BICRA: variants seen among roughly 807,000 people sequenced by gnomAD.
The protein encoded by BICRA is BRD4-interacting chromatin-remodeling complex-associated protein.
BICRA carries 31 observed loss-of-function variants against 96.9 expected under a neutral mutation model. The ratio of observed to expected loss-of-function variants is 0.32; its 90% CI spans 0.24 to 0.43. The LOEUF (loss-of-function observed/expected upper bound fraction) is 0.43. BICRA is among the 20% of genes least tolerant of loss of function. The pLI, the probability that BICRA is intolerant of heterozygous loss-of-function variation, is 1.00. For synonymous variants in BICRA, 1,350 were observed against 1,071.8 expected (o/e 1.26, Z -5.07); for missense variants, 2,283 against 2,190.3 (o/e 1.04, Z -0.84).
chr19:47,662,948 G>A (rs1490819685), intron 1 of BICRA: 1 of 152,202 alleles, frequency 6.6e-6, no homozygotes, highest in African/African-American at 2.4e-5. Flanking sequence ...CATGTGAGAG[G>A]CCTTGCCATG....
intron 1 of BICRA, among the ~76,000 whole-genome samples, chr19:47,625,428 C>T (rs1972126250): frequency 6.6e-6 from 1 of 152,082 alleles, no homozygotes; most frequent in African/African-American, 2.4e-5. Context: ...TAAATGCTCC[C>T]TCCTCGGGGA....
chr19:47,695,914 G>A (rs1973333783), intron 10 of BICRA, among the ~76,000 whole-genome samples: 1 of 152,050 alleles, frequency 6.6e-6, no homozygotes, highest in African/African-American at 2.4e-5. Context: ...GAGGCCACTT[G>A]TAGATGTAAG....
chr19:47,645,279 T>C (rs890091089), intron 1 of BICRA, among the ~76,000 whole-genome samples: 9 of 152,210 alleles, frequency 5.9e-5, no homozygotes, highest in African/African-American at 2.2e-4. Context: ...AGGCCAGTTA[T>C]TGTGTAGAAC....
At chr19:47,613,518 CACCCTCACTT>C (rs1318816335) in intron 1 of BICRA, among the ~76,000 whole-genome samples, 4 of 152,140 alleles carry the variant, frequency 2.6e-5, no homozygotes, top group Admixed American at 2.0e-4. Context: ...CCCGACCAGG[CACCCTCACTT>C]AGTAGAAACA....
intron 7 of BICRA, among the ~76,000 whole-genome samples, chr19:47,692,232 CTT>C (rs200468113): frequency 8.2e-5 from 12 of 145,844 alleles, no homozygotes; most frequent in Admixed American, 1.4e-4. Context: ...CTTGAATATT[CTT>C]TTTTTTTTTT....
chr19:47,688,004 T>C (rs185656760), intron 7 of BICRA, among the ~76,000 whole-genome samples: 1 of 152,218 alleles, frequency 6.6e-6, no homozygotes, highest in East Asian at 1.9e-4. Context: ...CCTGCAGCTT[T>C]ACTGACACAC....
chr19:47,623,608 AGAGC>A (rs985627493), intron 1 of BICRA, among the ~76,000 whole-genome samples: 2 of 152,040 alleles, frequency 1.3e-5, no homozygotes, highest in Non-Finnish European at 2.9e-5. Flanking sequence ...GGGACTGGGG[AGAGC>A]GATGAGGCAG....
At position 47,694,709 on chromosome 19, in the gene BICRA, C is replaced by T. The variant is rs766990472; in HGVS notation, c.2878C>T (p.Leu960Phe). ...AGCGCTGCCCCAGCCGAAGGCTCTT[C>T]TCGAGAGATTTCACCAGGTAACGGG... ...FPALPQPKALLERFHQVPSGI... is the reference protein window; with the variant it reads ...FPALPQPKALFERFHQVPSGI... Residue 960 changes from leucine to phenylalanine, a missense_variant, in exon 8 of 15, where the codon CTC (leucine) becomes TTC (phenylalanine). Leu to Phe is a conservative substitution (Grantham distance 22). Coordinates refer to ENST00000594866, the MANE Select transcript of BICRA (RefSeq NM_001394372.1). 11 of 1,549,856 alleles carry T rather than the reference C, an allele frequency of 7.1e-6. No individual in the cohort carries two copies. The highest frequency in any genetic ancestry group is 9.7e-6 in the Non-Finnish European group (11 of 1,135,892).
Position 47,680,580 on chromosome 19 carries a change from C to A in BICRA, c.1410C>A (p.Asn470Lys). 6.2e-7 allele frequency: 1 copy of A among 1,607,268 alleles called. No homozygotes were observed. The stretch of plus-strand genomic sequence containing the variant: ...CCCAGCACATGCTGCCGGGCCAGAA[C>A]CAGTTCCTACTGCCTGGCGCCCCGG... Reference protein sequence around the residue: ...IPAQHMLPGQNQFLLPGAPAV... With the variant: ...IPAQHMLPGQKQFLLPGAPAV... The change falls in exon 6 of 15, where the codon AAC becomes AAA. Residue 470 changes from asparagine (N) to lysine (K), a missense_variant. Physicochemically the swap from Asn to Lys is moderately conservative, Grantham distance 94. Transcript: ENST00000594866.
intron 7 of BICRA, 62 bp from the exon 8 acceptor site, chr19:47,694,053 C>T: frequency 6.9e-7 from 1 of 1,447,448 alleles, no homozygotes; most frequent in South Asian, 1.4e-5. Context: ...TGTCTTGGGG[C>T]AACAGGAGCT....
intron 1 of BICRA, among the ~76,000 whole-genome samples, chr19:47,666,196 G>A (rs968662254): frequency 6.6e-6 from 1 of 152,236 alleles, no homozygotes; most frequent in Admixed American, 6.5e-5. Flanking sequence ...AGGGATGGGA[G>A]CCTCAGAATC....
At chr19:47,629,578 G>A (rs1340666047) in intron 1 of BICRA, among the ~76,000 whole-genome samples, 4 of 150,766 alleles carry the variant, frequency 2.7e-5, no homozygotes, top group African/African-American at 5.0e-5. Flanking sequence ...TTTATCTGTC[G>A]ATGAACACAT....
chr19:47,682,617 G>A (rs1045588320), intron 7 of BICRA, among the ~76,000 whole-genome samples: 1 of 151,348 alleles, frequency 6.6e-6, no homozygotes, highest in African/African-American at 2.4e-5. Context: ...TCTGCCTGCG[G>A]TATTGCATCT....
chr19:47,621,878 A>G (rs1345325652), intron 1 of BICRA, among the ~76,000 whole-genome samples: 25 of 144,400 alleles, frequency 1.7e-4, no homozygotes, highest in East Asian at 8.3e-4. Flanking sequence ...TGCAACCTCC[A>G]CCTCCCAGGT....
intron 1 of BICRA, among the ~76,000 whole-genome samples, chr19:47,633,085 T>TC (rs950071606): frequency 1.4e-5 from 2 of 142,622 alleles, no homozygotes; most frequent in Admixed American, 1.4e-4. Context: ...TATTTCTTTT[T>TC]TTTTTTTTTT....
At chr19:47,628,088 G>T (rs996762146) in intron 1 of BICRA, among the ~76,000 whole-genome samples, 1 of 152,056 alleles carries the variant, frequency 6.6e-6, no homozygotes, top group Non-Finnish European at 1.5e-5. Flanking sequence ...GTTTAATTGG[G>T]ATGATATGTT....
chr19:47,696,328 G>C (rs955243122), intron 10 of BICRA, 123 bp from the exon 11 acceptor site: 1 of 831,154 alleles, frequency 1.2e-6, no homozygotes, highest in African/African-American at 1.7e-5. Flanking sequence ...GCTGGGGCCA[G>C]GCCCCCACCT....
chr19:47,610,087 C>T (rs1204780929), intron 1 of BICRA, among the ~76,000 whole-genome samples: 3 of 152,208 alleles, frequency 2.0e-5, no homozygotes, highest in Admixed American at 6.5e-5. Flanking sequence ...GGGTGGTGAC[C>T]TTTAGACAAA....
intron 1 of BICRA, among the ~76,000 whole-genome samples, chr19:47,641,884 C>G (rs1400950069): frequency 6.6e-6 from 1 of 152,088 alleles, no homozygotes; most frequent in Admixed American, 6.6e-5. Flanking sequence ...TTCTTGCATC[C>G]ATGTATCATA....
Sources: gnomAD v4.1 joint callset for allele counts (sites outside exome capture counted in the v4.1 genomes callset) on GRCh38, gnomAD v4.1.1 for gene constraint, MANE v1.5 for transcripts, NCBI Gene and HGNC (gene_info 2026-07-23, HGNC 2026-07-21) for gene names.